Variants in GALNT17 observed in about 807,000 individuals in gnomAD.
GALNT17 encodes the protein UDP-GalNAc:polypeptide N-acetylgalactosaminyltransferase-like 3.
A neutral mutation model predicts 63.7 loss-of-function variants in GALNT17; 29 were observed. That is an observed-to-expected ratio of 0.46 (90% CI 0.34 to 0.62). GALNT17 has a LOEUF of 0.62. Ranked by LOEUF, GALNT17 falls within the 20% of genes least tolerant of loss-of-function variation. The pLI, the probability that GALNT17 is intolerant of heterozygous loss-of-function variation, is 0.01. For synonymous variants in GALNT17, 305 were observed against 318.3 expected (o/e 0.96, Z 0.45); for missense variants, 603 against 799.6 (o/e 0.75, Z 2.97).
At chr7:71,239,129 T>C (rs1378351246) in intron 1 of GALNT17, among the ~76,000 whole-genome samples, 2 of 152,178 alleles carry the variant, frequency 1.3e-5, no homozygotes, top group African/African-American at 2.4e-5. Context: ...AGCTATGCTA[T>C]GCCCAAATTT....
intron 6 of GALNT17, among the ~76,000 whole-genome samples, chr7:71,650,122 T>C (rs758239888): frequency 2.0e-5 from 3 of 152,234 alleles, no homozygotes; most frequent in African/African-American, 7.2e-5. Flanking sequence ...TGCAGACTTA[T>C]GGGACCAGTA....
At chr7:71,504,662 CTAGTTTACTTATTTACA>C (rs1788237392) in intron 5 of GALNT17, among the ~76,000 whole-genome samples, 1 of 151,844 alleles carries the variant, frequency 6.6e-6, no homozygotes, top group South Asian at 2.1e-4. Context: ...ACTTATTTAC[CTAGTTTACTTATTTACA>C]TATTTTACTT....
intron 6 of GALNT17, among the ~76,000 whole-genome samples, chr7:71,620,619 C>T (rs1006160470): frequency 1.4e-4 from 21 of 152,214 alleles, no homozygotes; most frequent in Non-Finnish European, 2.8e-4. Flanking sequence ...TGATGCATAA[C>T]GGATATACAT....
chr7:71,357,875 A>G (rs967401162), intron 2 of GALNT17, among the ~76,000 whole-genome samples: 1 of 152,226 alleles, frequency 6.6e-6, no homozygotes, highest in African/African-American at 2.4e-5. Context: ...AAAATGCACC[A>G]ATCAGTGCTC....
chr7:71,446,675 A>T (rs1258469144), intron 5 of GALNT17, among the ~76,000 whole-genome samples: 1 of 152,104 alleles, frequency 6.6e-6, no homozygotes, highest in Non-Finnish European at 1.5e-5. Context: ...CGACCTCCAG[A>T]GTAGCTGGGA....
intron 1 of GALNT17, among the ~76,000 whole-genome samples, chr7:71,254,446 G>A (rs1403477546): frequency 6.6e-6 from 1 of 152,164 alleles, no homozygotes; most frequent in African/African-American, 2.4e-5. Context: ...ATATGTCAAG[G>A]AAATATATTT....
intron 7 of GALNT17, among the ~76,000 whole-genome samples, chr7:71,666,761 A>G (rs879349194): frequency 6.6e-6 from 1 of 152,192 alleles, no homozygotes; most frequent in Non-Finnish European, 1.5e-5. Flanking sequence ...ACTTATAGAT[A>G]ATACAATGTA....
intron 5 of GALNT17, among the ~76,000 whole-genome samples, chr7:71,490,101 C>G (rs1486724656): frequency 6.6e-6 from 1 of 151,810 alleles, no homozygotes. Context: ...ACTAAAAATA[C>G]AAAAAAATTT....
intron 1 of GALNT17, among the ~76,000 whole-genome samples, chr7:71,153,929 A>G (rs1250884567): frequency 2.2e-5 from 3 of 136,886 alleles, no homozygotes; most frequent in African/African-American, 8.2e-5. Flanking sequence ...GTAATAAAAT[A>G]AAATAAAAAT....
chr7:71,408,050 A>G (rs1793360754), intron 3 of GALNT17, among the ~76,000 whole-genome samples: 1 of 152,152 alleles, frequency 6.6e-6, no homozygotes, highest in Admixed American at 6.5e-5. Flanking sequence ...AAATGGTCAA[A>G]ACATTTTAAA....
intron 1 of GALNT17, among the ~76,000 whole-genome samples, chr7:71,219,816 T>G (rs1789551140): frequency 6.6e-6 from 1 of 152,156 alleles, no homozygotes; most frequent in Admixed American, 6.6e-5. Flanking sequence ...GCTTTGTTCT[T>G]TTGTATTTAT....
At chr7:71,510,362 A>G (rs775990601) in intron 5 of GALNT17, among the ~76,000 whole-genome samples, 3 of 152,194 alleles carry the variant, frequency 2.0e-5, no homozygotes, top group African/African-American at 4.8e-5. Flanking sequence ...CTTCTTAGCT[A>G]TCATCTCTCA....
intron 1 of GALNT17, among the ~76,000 whole-genome samples, chr7:71,141,075 A>G (rs13307234): frequency 6.6e-6 from 1 of 151,166 alleles, no homozygotes; most frequent in East Asian, 2.0e-4. Flanking sequence ...AGGGCCAGGC[A>G]TGGTGACTCA....
chr7:71,337,025 T>C (rs4445102), intron 2 of GALNT17, among the ~76,000 whole-genome samples: 99,087 of 151,974 alleles, frequency 0.65, 32,717 homozygotes, highest in African/African-American at 0.76. Flanking sequence ...TTAATGATAA[T>C]CATTATGACT....
chr7:71,546,924 A>G (rs1319180889), intron 5 of GALNT17, among the ~76,000 whole-genome samples: 1 of 152,148 alleles, frequency 6.6e-6, no homozygotes, highest in Non-Finnish European at 1.5e-5. Context: ...CCTTGAAACA[A>G]TAGAAGAACT....
intron 6 of GALNT17, among the ~76,000 whole-genome samples, chr7:71,624,181 A>G (rs60695418): frequency 0.25 from 38,678 of 152,160 alleles, 5,220 homozygotes; most frequent in Non-Finnish European, 0.29. Flanking sequence ...CTCCAGGTTA[A>G]GATGGATGAC....
chr7:71,160,773 A>G (rs934929440), intron 1 of GALNT17, among the ~76,000 whole-genome samples: 9 of 152,134 alleles, frequency 5.9e-5, no homozygotes, highest in African/African-American at 9.7e-5. Context: ...ACATCTTTAT[A>G]TATCAGACAA....
At chr7:71,186,289 C>T (rs1442066124) in intron 1 of GALNT17, among the ~76,000 whole-genome samples, 1 of 152,164 alleles carries the variant, frequency 6.6e-6, no homozygotes, top group Non-Finnish European at 1.5e-5. Flanking sequence ...GGAGGGGGAA[C>T]TCTTATCTAC....
At chr7:71,591,557 C>A (rs1299654815) in intron 6 of GALNT17, among the ~76,000 whole-genome samples, 1 of 152,218 alleles carries the variant, frequency 6.6e-6, no homozygotes, top group Middle Eastern at 3.2e-3. Flanking sequence ...GTCTGGGAAA[C>A]TCCTCAGGTA....
Sources: allele counts gnomAD v4.1 joint callset (sites outside exome capture counted in the v4.1 genomes callset), GRCh38; gene constraint gnomAD v4.1.1; transcripts MANE v1.5; gene names NCBI Gene and HGNC (gene_info 2026-07-23, HGNC 2026-07-21).